The following ACOT7 variants were observed in gnomAD, a reference collection of about 807,000 sequenced individuals.
The protein encoded by ACOT7 is acyl-CoA thioesterase 7, also known as cytosolic acyl coenzyme A thioester hydrolase.
A neutral mutation model predicts 40.2 loss-of-function variants in ACOT7; 12 were observed. The observed-to-expected ratio is 0.30, with a 90% CI of 0.19 to 0.48. The LOEUF (loss-of-function observed/expected upper bound fraction) is 0.48. Among genes scored for constraint, ACOT7 ranks in the 20% least tolerant of loss-of-function variants. ACOT7 has a pLI of 0.99. For missense variants in ACOT7, 395 were observed against 530.8 expected (o/e 0.74, Z 2.51); for synonymous variants, 228 against 219.5 (o/e 1.04, Z -0.34).
intron 7 of ACOT7, among the ~76,000 whole-genome samples, chr1:6,281,612 C>A (rs893713415): frequency 1.3e-5 from 2 of 152,206 alleles, no homozygotes; most frequent in Non-Finnish European, 2.9e-5. Flanking sequence ...TGTGCCCCCA[C>A]GGGGGAGGCC....
At position 6,355,685 on chromosome 1, in the gene ACOT7, TAA is replaced by T. The variant is rs1557665366; in HGVS notation, c.144-5821_144-5820del. The stretch of plus-strand genomic sequence containing the variant: ...AACCATCTCAACCCTTTCAAATTAA[TAA>T]GTGTTCTTTGAAAACGCTTCAAGGC... On this transcript the variant is annotated intron_variant, in intron 1 of 8. Coordinates refer to ENST00000361521, the MANE Select transcript of ACOT7 (RefSeq NM_007274.4). This position sits in a 1 kb window ranked among gnomAD's most constrained non-coding sequence, Gnocchi z 5.0. 6.6e-6 allele frequency among the ~76,000 whole-genome samples: 1 copy of T among 152,178 alleles called. No individual in the cohort carries two copies. The highest frequency in any genetic ancestry group is 2.4e-5 in the African/African-American group (1 of 41,452).
Position 6,393,325 on chromosome 1 carries a change from T to C in ACOT7, c.75A>G (p.Ala25=). Residue 25 remains alanine, a synonymous_variant, in exon 1 of 9, where the codon GCA becomes GCG. Transcript: ENST00000361521. The part of the protein sequence containing the change: ...DTCALLQPPA[A]SAAAAPSMSG... The stretch of plus-strand genomic sequence containing the variant: ...ACATGCTGGGGGCTGCGGCGGCGGA[T>C]GCGGCGGGCGGCTGCAGAAGGGCGC... 7.9e-7 allele frequency: 1 copy of C among 1,266,788 alleles called. No homozygotes were observed. The highest frequency in any genetic ancestry group is 2.9e-5 in the East Asian group (1 of 34,002). 78.5% of individuals were successfully genotyped at this position (1,266,788 alleles called of 1,614,324 possible). A position where few individuals can be genotyped will look rare whatever the true frequency, so the allele number is the denominator to read the frequency against.
At chr1:6,351,410 A>G (rs1178466733) in intron 1 of ACOT7, among the ~76,000 whole-genome samples, 1 of 152,280 alleles carries the variant, frequency 6.6e-6, no homozygotes, top group Non-Finnish European at 1.5e-5. Context: ...GTTTTTAAAA[A>G]TTGAACTTAC....
chr1:6,393,193 G>A, intron 1 of ACOT7, 64 bp downstream of exon 1: 2 of 1,222,822 alleles, frequency 1.6e-6, no homozygotes, highest in Non-Finnish European at 2.0e-6. Context: ...AGCCAAGCGG[G>A]GCAGGCCTGG....
chr1:6,380,244 C>G (rs1642309443), intron 1 of ACOT7, among the ~76,000 whole-genome samples: 1 of 151,520 alleles, frequency 6.6e-6, no homozygotes, highest in Admixed American at 6.6e-5. Flanking sequence ...ATCAATAGAA[C>G]AGAGAGCCCA....
intron 5 of ACOT7, among the ~76,000 whole-genome samples, chr1:6,322,526 C>A (rs1157467499): frequency 6.6e-6 from 1 of 152,226 alleles, no homozygotes; most frequent in Non-Finnish European, 1.5e-5. Flanking sequence ...CGTCTCACAG[C>A]CCTGGAGGCT....
intron 3 of ACOT7, among the ~76,000 whole-genome samples, chr1:6,336,447 TG>T (rs1204472656): frequency 6.6e-6 from 1 of 151,776 alleles, no homozygotes; most frequent in African/African-American, 2.4e-5. Context: ...TGACAGTTGC[TG>T]GAGATAAATG....
Position 6,307,303 on chromosome 1 carries a change from C to T in ACOT7, c.712+11189G>A, listed in dbSNP as rs530664866. 3.0e-3 allele frequency among the ~76,000 whole-genome samples: 461 copies of T among 152,384 alleles called. 2 individuals are homozygous for T. Among genetic ancestry groups the T allele is most frequent in the African/African-American group, 9.9e-3 (411 of 41,592 alleles). The stretch of plus-strand genomic sequence containing the variant: ...CCTCTGGGTGGGGCTGACTGCGCGG[C>T]ACCAGCACAGTCCGCAGTCCTTCCC... On this transcript the variant is annotated intron_variant, in intron 6 of 8. Coordinates refer to ENST00000361521, the MANE Select transcript of ACOT7 (RefSeq NM_007274.4).
chr1:6,370,520 C>T (rs907465819), intron 1 of ACOT7, among the ~76,000 whole-genome samples: 1 of 149,488 alleles, frequency 6.7e-6, no homozygotes, highest in African/African-American at 2.5e-5. Flanking sequence ...AATGGAGTCT[C>T]GTTCTGTCAC....
chr1:6,384,901 C>A (rs1199485533), intron 1 of ACOT7, among the ~76,000 whole-genome samples: 1 of 151,940 alleles, frequency 6.6e-6, no homozygotes, highest in African/African-American at 2.4e-5. Flanking sequence ...CTAGCTTGTA[C>A]ACATTAGTGA....
At chr1:6,327,256 C>G (rs1357463345) in intron 5 of ACOT7, 43 bp downstream of exon 5, 11 of 1,597,708 alleles carry the variant, frequency 6.9e-6, no homozygotes, top group Non-Finnish European at 8.6e-6. Context: ...CTATGCGTCC[C>G]CGGTGAGGAG....
chr1:6,347,234 T>G lies in ACOT7; in HGVS notation c.261+2515A>C, dbSNP rs72858363. Among the ~76,000 whole-genome samples the G allele has an allele frequency of 3.3e-3, 503 of 152,192 alleles. 1 individual carries two copies. The highest frequency in any genetic ancestry group is 0.011 in the African/African-American group (472 of 41,520). On this transcript the variant is annotated intron_variant, in intron 2 of 8. Coordinates refer to ENST00000361521, the MANE Select transcript of ACOT7 (RefSeq NM_007274.4). ...AGAGACCCCCTCCTAAGCCTAGAATTTCTGGATCACCATCCTGGGGACCAG... is the reference window on the plus strand; with the variant it reads ...AGAGACCCCCTCCTAAGCCTAGAATGTCTGGATCACCATCCTGGGGACCAG...
intron 7 of ACOT7, among the ~76,000 whole-genome samples, chr1:6,292,061 C>T (rs1427420209): frequency 6.6e-6 from 1 of 152,230 alleles, no homozygotes; most frequent in South Asian, 2.1e-4. Flanking sequence ...GAAAACAACA[C>T]ACGAGTGTGA....
intron 2 of ACOT7, among the ~76,000 whole-genome samples, chr1:6,341,561 T>A (rs1436027186): frequency 1.3e-5 from 2 of 151,974 alleles, no homozygotes; most frequent in Non-Finnish European, 2.9e-5. Flanking sequence ...GCTAACATGG[T>A]GAAACCCCGT....
chr1:6,355,991 G>C lies in ACOT7; in HGVS notation c.144-6125C>G, dbSNP rs552183700. ...TAAGCCACATGGAGCCTGAGTACTG[G>C]GTTGAATTGTGTCCCCCAAAAGATG... is the stretch of plus-strand genomic sequence containing the variant. On this transcript the variant is annotated intron_variant, in intron 1 of 8. Transcript: ENST00000361521. The surrounding 1 kb of genome is among the most constrained non-coding windows in gnomAD (Gnocchi z 5.0). Among the ~76,000 whole-genome samples the C allele has an allele frequency of 6.6e-6, 1 of 152,196 alleles. No individual in the cohort carries two copies. Among genetic ancestry groups the C allele is most frequent in the East Asian group, 1.9e-4 (1 of 5,196 alleles).
intron 5 of ACOT7, among the ~76,000 whole-genome samples, chr1:6,318,804 G>A (rs964017357): frequency 2.0e-5 from 3 of 151,678 alleles, no homozygotes; most frequent in African/African-American, 4.9e-5. Context: ...GGGCCATGAC[G>A]AGACTCTCTG....
intron 6 of ACOT7, among the ~76,000 whole-genome samples, chr1:6,307,599 A>C (rs1013754004): frequency 2.0e-5 from 3 of 152,258 alleles, no homozygotes; most frequent in African/African-American, 7.2e-5. Context: ...AGGTAGAGAG[A>C]AAGAACCAAG....
chr1:6,296,670 A>G (rs914517367), intron 6 of ACOT7, among the ~76,000 whole-genome samples: 7 of 151,994 alleles, frequency 4.6e-5, no homozygotes, highest in African/African-American at 9.7e-5. Flanking sequence ...TGATCCGCCC[A>G]CTTCAGCCTC....
intron 8 of ACOT7, among the ~76,000 whole-genome samples, chr1:6,269,124 T>C (rs2148362919): frequency 6.6e-6 from 1 of 152,288 alleles, no homozygotes; most frequent in East Asian, 1.9e-4. Flanking sequence ...CTTTTACCAA[T>C]GAGGAAGTGA....
Sources: gnomAD v4.1 joint callset for allele counts (sites outside exome capture counted in the v4.1 genomes callset) on GRCh38, gnomAD v4.1.1 for gene constraint, Gnocchi (gnomAD v3.1) non-coding constraint, MANE v1.5 for transcripts, NCBI Gene and HGNC (gene_info 2026-07-23, HGNC 2026-07-21) for gene names.